Variants in GRIPAP1 observed in about 807,000 individuals in gnomAD.
GRIPAP1 encodes the protein GRIP1 associated protein 1, also known as GRIP1-associated protein 1.
In GRIPAP1, 14 loss-of-function variants were observed where a neutral mutation model predicts 84.1. The ratio of observed to expected loss-of-function variants is 0.17; its 90% CI spans 0.11 to 0.26. GRIPAP1 has a LOEUF of 0.26. Ranked by LOEUF, GRIPAP1 falls within the 10% of genes least tolerant of loss-of-function variation. GRIPAP1 has a pLI of 1.00. For synonymous variants in GRIPAP1, 261 were observed against 256.8 expected (o/e 1.02, Z -0.15); for missense variants, 518 against 674.2 (o/e 0.77, Z 2.57).
At chrX:49,001,779 G>A (rs1011471149) in intron 1 of GRIPAP1, among the ~76,000 whole-genome samples, 13 of 109,941 alleles carry the variant, frequency 1.2e-4, no homozygotes, top group Non-Finnish European at 2.3e-4. Context: ...CCCTCTCAAG[G>A]GCTCCCACCA....
chrX:48,979,163 G>A (rs2064439389), intron 21 of GRIPAP1, among the ~76,000 whole-genome samples: 1 of 109,953 alleles, frequency 9.1e-6, no homozygotes, highest in African/African-American at 3.3e-5. Context: ...GGTGAAAGAA[G>A]TGAGCCAGAG....
At position 48,975,305 on chromosome X, in the gene GRIPAP1, C is replaced by T; in HGVS notation, c.2283G>A (p.Val761=). 1 of 1,209,088 alleles carries T rather than the reference C, an allele frequency of 8.3e-7. No individual in the cohort carries two copies. Among genetic ancestry groups the T allele is most frequent in the Non-Finnish European group, 1.1e-6 (1 of 893,863 alleles). ...GGTCTGTGTGGCCTGCTGCCACAGA[C>T]ACATCTGCAAGGGCCCAGGCTGAAA... The part of the protein sequence containing the change: ...ETYVMDSRID[V]SVAAGHTDRS... Residue 761 remains valine, a synonymous_variant, in exon 25 of 26, where the codon GTG becomes GTA. Coordinates refer to ENST00000376423, the MANE Select transcript of GRIPAP1 (RefSeq NM_020137.5).
At chrX:48,991,504 C>T in intron 6 of GRIPAP1, 1 of 129,517 alleles carries the variant, frequency 7.7e-6, no homozygotes, top group Non-Finnish European at 1.6e-5. Flanking sequence ...TGGTCTTGAA[C>T]TCCTGAGCTC....
At position 48,991,021 on chromosome X, in the gene GRIPAP1, C is replaced by T. The variant is rs888764138; in HGVS notation, c.547G>A (p.Val183Ile). 3 of 1,186,677 alleles carry T rather than the reference C, an allele frequency of 2.5e-6. No individual in the cohort carries two copies. The highest frequency in any genetic ancestry group is 1.8e-5 in the South Asian group (1 of 55,605). Residue 183 changes from valine to isoleucine, a missense_variant, in exon 7 of 26, where the codon GTC (valine) becomes ATC (isoleucine). Transcript: ENST00000376423. ...GDPPGGLAPT[V>I]LAPMPLAEVE... ...TCTGCCAACGGCATGGGGGCCAGGACGGTGGGGGCCAGGCCCCCTGGGGGA... is the reference window on the plus strand; with the variant it reads ...TCTGCCAACGGCATGGGGGCCAGGATGGTGGGGGCCAGGCCCCCTGGGGGA...
Position 48,983,887 on chromosome X carries a change from A to T in GRIPAP1, c.1177-17T>A. 9.8e-7 allele frequency: 1 copy of T among 1,024,894 alleles called. No individual in the cohort carries two copies. The highest frequency in any genetic ancestry group is 1.4e-6 in the Non-Finnish European group (1 of 724,780). 84.5% of individuals were successfully genotyped at this position (1,024,894 alleles called of 1,213,427 possible). A position where few individuals can be genotyped will look rare whatever the true frequency, so the allele number is the denominator to read the frequency against. On this transcript the variant is annotated splice_polypyrimidine_tract_variant and intron_variant, in intron 14 of 25. Coordinates refer to ENST00000376423, the MANE Select transcript of GRIPAP1 (RefSeq NM_020137.5). Reference sequence around the variant, plus strand: ...TAATGACTCCTAATGCAGACACCAAAGGGAAAGAGTTTGATAAAGAGCATC... The same window carrying T: ...TAATGACTCCTAATGCAGACACCAATGGGAAAGAGTTTGATAAAGAGCATC...
chrX:49,002,249 C>G lies in GRIPAP1; in HGVS notation c.-20G>C, dbSNP rs782687156. On this transcript the variant is annotated 5_prime_UTR_variant, in exon 1 of 26. Coordinates refer to ENST00000376423, the MANE Select transcript of GRIPAP1 (RefSeq NM_020137.5). ...CGCCATGTTCCTCCCCCCACCCCCC[C>G]GCCAGCTTTCTGCGCAGACGCAGCT... 7 of 1,084,063 alleles carry G rather than the reference C, an allele frequency of 6.5e-6. No homozygotes were observed. The East Asian group carries it at 9.6e-5, about 15-fold the overall frequency. 89.3% of individuals were successfully genotyped at this position (1,084,063 alleles called of 1,213,427 possible). A position where few individuals can be genotyped will look rare whatever the true frequency, so the allele number is the denominator to read the frequency against.
chrX:48,983,212 T>C lies in GRIPAP1; in HGVS notation c.1485+16A>G, dbSNP rs1557062699. The C allele has an allele frequency of 1.7e-6, 2 of 1,192,520 alleles. No homozygotes were observed. Among genetic ancestry groups the C allele is most frequent in the East Asian group, 3.0e-5 (1 of 33,759 alleles). On this transcript the variant is annotated intron_variant, in intron 16 of 25. Coordinates refer to ENST00000376423, the MANE Select transcript of GRIPAP1 (RefSeq NM_020137.5). ...AGGTTTTAGAGGAAGAAGGGCATCATCATCTACCCACCCACCTTCTCCTCC... is the reference window on the plus strand; with the variant it reads ...AGGTTTTAGAGGAAGAAGGGCATCACCATCTACCCACCCACCTTCTCCTCC...
In GRIPAP1 at chrX:48,981,584, GTGACCAC is replaced by G. The variant is rs782328648; in HGVS notation, c.1773+5_1773+11del. On this transcript the variant is annotated splice_donor_5th_base_variant and intron_variant, in intron 19 of 25. Coordinates refer to ENST00000376423, the MANE Select transcript of GRIPAP1 (RefSeq NM_020137.5). Reference sequence around the variant, plus strand: ...TCAGGGGTGTGTCTGGGGCTGTGCAGTGACCACTGACCTGCTTCAGGCTGCTAATGGT... The same window carrying G: ...TCAGGGGTGTGTCTGGGGCTGTGCAGTGACCTGCTTCAGGCTGCTAATGGT... 8 of 1,186,367 alleles carry G rather than the reference GTGACCAC, an allele frequency of 6.7e-6. No individual in the cohort carries two copies. The African/African-American group carries it at 8.8e-5, about 13-fold the overall frequency.
intron 8 of GRIPAP1, among the ~76,000 whole-genome samples, chrX:48,990,461 A>C (rs781924070): frequency 1.8e-5 from 2 of 112,218 alleles, no homozygotes; most frequent in African/African-American, 6.5e-5. Flanking sequence ...AAGCTGAGAG[A>C]TGGATGGGAT....
chrX:49,001,613 A>G (rs1557068611), intron 1 of GRIPAP1, among the ~76,000 whole-genome samples: 3 of 109,844 alleles, frequency 2.7e-5, no homozygotes, highest in Non-Finnish European at 5.7e-5. Context: ...TAATCATCCA[A>G]TGGTGCCGCC....
In GRIPAP1 at chrX:49,002,235, T is replaced by TC. The variant is rs782580493; in HGVS notation, c.-7dup. The stretch of plus-strand genomic sequence containing the variant: ...TCAGACAGAGCTTGCGCCATGTTCC[T>TC]CCCCCCACCCCCCCGCCAGCTTTCT... On this transcript the variant is annotated 5_prime_UTR_variant, in exon 1 of 26. Transcript: ENST00000376423. 4 of 1,109,066 alleles carry TC rather than the reference T, an allele frequency of 3.6e-6. No homozygotes were observed. The highest frequency in any genetic ancestry group is 2.3e-5 in the Admixed American group (1 of 42,649). The allele number at this position is 1,109,066 out of a possible 1,213,427, so 91.4% of individuals were successfully genotyped here.
chrX:48,988,295 C>G (rs2064503366), intron 11 of GRIPAP1, 97 bp from the exon 12 acceptor site: 1 of 585,678 alleles, frequency 1.7e-6, no homozygotes, highest in African/African-American at 2.3e-5. Flanking sequence ...AGCATGTTCT[C>G]AGCACCTGTG....
chrX:48,974,982 T>C (rs2064414575), intron 25 of GRIPAP1, among the ~76,000 whole-genome samples, 173 bp downstream of exon 25: 1 of 108,444 alleles, frequency 9.2e-6, no homozygotes, highest in Non-Finnish European at 1.9e-5. Context: ...AATAAGTTGA[T>C]GAGAGGGTGG....
chrX:48,987,732 T>G, intron 13 of GRIPAP1, 53 bp downstream of exon 13: 27 of 736,471 alleles, frequency 3.7e-5, no homozygotes, highest in Non-Finnish European at 4.6e-5. Flanking sequence ...CAGAAGCAGA[T>G]GGAGATGGGG....
At chrX:48,983,933 G>A in intron 14 of GRIPAP1, 63 bp from the exon 15 acceptor site, 1 of 661,717 alleles carries the variant, frequency 1.5e-6, no homozygotes, top group East Asian at 3.2e-5. Context: ...TAGTCACCCA[G>A]GACCATCTGG....
chrX:48,984,158 T>C (rs1256940937), intron 14 of GRIPAP1, among the ~76,000 whole-genome samples: 1 of 111,405 alleles, frequency 9.0e-6, no homozygotes, highest in African/African-American at 3.3e-5. Context: ...TATGTGGAAG[T>C]GGTGAGTGTA....
intron 9 of GRIPAP1, 38 bp from the exon 10 acceptor site, chrX:48,989,920 G>C: frequency 8.3e-7 from 1 of 1,201,102 alleles, no homozygotes; most frequent in South Asian, 1.8e-5. Flanking sequence ...GGTCAGTTCC[G>C]TAAGTTAATT....
chrX:48,990,346 G>T (rs1316953401), intron 8 of GRIPAP1, among the ~76,000 whole-genome samples: 1 of 112,327 alleles, frequency 8.9e-6, no homozygotes, highest in Non-Finnish European at 1.9e-5. Context: ...GGCCTGGAAA[G>T]CAGGATATCA....
chrX:48,975,091 G>A, intron 25 of GRIPAP1, 64 bp downstream of exon 25: 2 of 1,097,903 alleles, frequency 1.8e-6, no homozygotes, highest in African/African-American at 1.8e-5. Context: ...TGACCCAGGG[G>A]CTATGTGGCT....
Sources: allele counts gnomAD v4.1 joint callset (sites outside exome capture counted in the v4.1 genomes callset), GRCh38; gene constraint gnomAD v4.1.1; transcripts MANE v1.5; gene names NCBI Gene and HGNC (gene_info 2026-07-23, HGNC 2026-07-21).